SAMD12: variants seen among roughly 807,000 people sequenced by gnomAD.
SAMD12 encodes the protein sterile alpha motif domain-containing protein 12.
A neutral mutation model predicts 15.0 loss-of-function variants in SAMD12; 9 were observed. The ratio of observed to expected loss-of-function variants is 0.60; its 90% CI spans 0.36 to 1.05. The LOEUF (loss-of-function observed/expected upper bound fraction) is 1.05. Among genes scored for constraint, SAMD12 ranks in the 50% least tolerant of loss-of-function variants. The pLI, the probability that SAMD12 is intolerant of heterozygous loss-of-function variation, is 0.01. For synonymous variants in SAMD12, 86 were observed against 90.1 expected (o/e 0.96, Z 0.25); for missense variants, 230 against 234.2 (o/e 0.98, Z 0.12).
intron 3 of SAMD12, among the ~76,000 whole-genome samples, chr8:118,402,472 A>G (rs746368267): frequency 3.9e-5 from 6 of 152,252 alleles, no homozygotes; most frequent in African/African-American, 9.6e-5. Flanking sequence ...ATAGAAATGT[A>G]AACAGTGACA....
At chr8:118,478,534 G>A (rs1824029779) in intron 2 of SAMD12, among the ~76,000 whole-genome samples, 1 of 152,244 alleles carries the variant, frequency 6.6e-6, no homozygotes, top group South Asian at 2.1e-4. Flanking sequence ...ATTAGATATA[G>A]TAAATAGTCA....
chr8:118,468,888 T>C (rs1823674961), intron 2 of SAMD12, among the ~76,000 whole-genome samples: 2 of 152,216 alleles, frequency 1.3e-5, no homozygotes, highest in South Asian at 2.1e-4. Flanking sequence ...ACTAACGAGA[T>C]GCAAAGGCAA....
At chr8:118,296,517 T>C (rs1814722796) in intron 4 of SAMD12, among the ~76,000 whole-genome samples, 1 of 152,196 alleles carries the variant, frequency 6.6e-6, no homozygotes, top group Admixed American at 6.5e-5. Flanking sequence ...TCCCACTGGA[T>C]TGTAAATTCC....
chr8:118,287,678 A>C (rs1030051560), intron 4 of SAMD12, among the ~76,000 whole-genome samples: 3 of 152,204 alleles, frequency 2.0e-5, no homozygotes, highest in Non-Finnish European at 4.4e-5. Flanking sequence ...CTAGGGGGAA[A>C]GGGACATTTA....
intron 4 of SAMD12, among the ~76,000 whole-genome samples, chr8:118,217,971 A>G (rs1378950446): frequency 6.6e-6 from 1 of 152,154 alleles, no homozygotes; most frequent in African/African-American, 2.4e-5. Flanking sequence ...ATGGTGCCTC[A>G]CCATGGGCCT....
At chr8:118,149,510 G>A in the SAMD12 span, among the ~76,000 whole-genome samples, 2 of 151,962 alleles carry the variant, frequency 1.3e-5, no homozygotes, top group Admixed American at 6.6e-5. Flanking sequence ...TATGTCTTCT[G>A]GGTTCCAGTC....
At chr8:118,182,868 T>A in the SAMD12 span, among the ~76,000 whole-genome samples, 193 of 152,356 alleles carry the variant, frequency 1.3e-3, 1 homozygote, top group African/African-American at 4.5e-3. Context: ...TTGCTTCCTT[T>A]TCACCAAAGG....
chr8:118,481,828 G>A (rs556592012), intron 2 of SAMD12, among the ~76,000 whole-genome samples: 1 of 152,202 alleles, frequency 6.6e-6, no homozygotes, highest in East Asian at 1.9e-4. Context: ...ATCACTTAAG[G>A]GAGAGACAGG....
At chr8:118,179,392 AC>A in the SAMD12 span, among the ~76,000 whole-genome samples, 4 of 151,276 alleles carry the variant, frequency 2.6e-5, no homozygotes, top group African/African-American at 9.7e-5. Flanking sequence ...AGCCGAAATC[AC>A]AGCATTGCAC....
At position 118,457,978 on chromosome 8, in the gene SAMD12, C is replaced by G. The variant is rs1215987088; in HGVS notation, c.193-18017G>C. ...AATAGAAATCTGGAATCTCACTGAGCAATACTCACTTGGCTCTTGAATTCT... is the reference window on the plus strand; with the variant it reads ...AATAGAAATCTGGAATCTCACTGAGGAATACTCACTTGGCTCTTGAATTCT... On this transcript the variant is annotated intron_variant, in intron 2 of 3. Coordinates refer to ENST00000314727, the MANE Select transcript of SAMD12 (RefSeq NM_207506.3). Among the ~76,000 whole-genome samples, 2 of 152,180 alleles carry G rather than the reference C, an allele frequency of 1.3e-5. 1 individual carries two copies. The highest frequency in any genetic ancestry group is 2.9e-5 in the Non-Finnish European group (2 of 68,034).
intron 1 of SAMD12, among the ~76,000 whole-genome samples, chr8:118,596,961 G>T (rs999480325): frequency 6.6e-6 from 1 of 152,188 alleles, no homozygotes; most frequent in Non-Finnish European, 1.5e-5. Flanking sequence ...TAGTATAGGG[G>T]TCTAGAAAAG....
intron 1 of SAMD12, among the ~76,000 whole-genome samples, chr8:118,613,931 A>C (rs1268722005): frequency 6.6e-6 from 1 of 152,200 alleles, no homozygotes; most frequent in Admixed American, 6.5e-5. Context: ...GAATATAATC[A>C]TAACATTTAC....
chr8:118,420,829 G>T (rs1190946103), intron 3 of SAMD12, among the ~76,000 whole-genome samples: 1 of 152,100 alleles, frequency 6.6e-6, no homozygotes, highest in Admixed American at 6.5e-5. Flanking sequence ...TTTGATTTGG[G>T]CAAAGGGAAG....
At chr8:118,432,892 C>T (rs1313051826) in intron 3 of SAMD12, among the ~76,000 whole-genome samples, 1 of 152,188 alleles carries the variant, frequency 6.6e-6, no homozygotes, top group Non-Finnish European at 1.5e-5. Flanking sequence ...ATTACCACCA[C>T]TGCCACTGCC....
At chr8:118,178,183 G>A in the SAMD12 span, among the ~76,000 whole-genome samples, 49 of 152,282 alleles carry the variant, frequency 3.2e-4, no homozygotes, top group South Asian at 4.4e-3. Context: ...GTTAACAAGC[G>A]TAAGCCCCAT....
intron 1 of SAMD12, among the ~76,000 whole-genome samples, chr8:118,603,764 G>A (rs1293997344): frequency 3.3e-5 from 5 of 152,118 alleles, no homozygotes; most frequent in Non-Finnish European, 7.4e-5. Context: ...AGAACAGAAC[G>A]ACCTATTCGG....
the SAMD12 span, among the ~76,000 whole-genome samples, chr8:118,132,828 T>A: frequency 1.3e-5 from 2 of 151,554 alleles, no homozygotes; most frequent in Non-Finnish European, 2.9e-5. Flanking sequence ...TTACATATGT[T>A]TTTATTACCC....
intron 2 of SAMD12, among the ~76,000 whole-genome samples, chr8:118,450,488 T>C (rs1823046582): frequency 6.6e-6 from 1 of 152,204 alleles, no homozygotes; most frequent in Non-Finnish European, 1.5e-5. Flanking sequence ...GGCAGATGTA[T>C]GCCCTGAGCA....
chr8:118,482,824 G>A (rs554595125), intron 2 of SAMD12, among the ~76,000 whole-genome samples: 6 of 152,198 alleles, frequency 3.9e-5, no homozygotes, highest in South Asian at 2.1e-4. Flanking sequence ...GAGGACATTC[G>A]GATGCTTTTG....
Sources: allele counts gnomAD v4.1 joint callset (sites outside exome capture counted in the v4.1 genomes callset), GRCh38; gene constraint gnomAD v4.1.1; transcripts MANE v1.5; gene names NCBI Gene and HGNC (gene_info 2026-07-23, HGNC 2026-07-21).